KATNAL2: variants seen among roughly 807,000 people sequenced by gnomAD.
KATNAL2 encodes the protein katanin catalytic subunit A1 like 2, also known as katanin p60 ATPase-containing subunit A-like 2.
A neutral mutation model predicts 76.3 loss-of-function variants in KATNAL2; 52 were observed. The ratio of observed to expected loss-of-function variants is 0.68; its 90% confidence interval spans 0.55 to 0.86. The LOEUF is 0.86. Among genes scored for constraint, KATNAL2 ranks in the 40% least tolerant of loss-of-function variants. The probability of loss-of-function intolerance (pLI) is 0.00; values close to 1 mark genes in which losing one functional copy is unlikely to be tolerated. For synonymous variants in KATNAL2, 243 were observed against 244.2 expected (o/e 1.00, Z 0.05); for missense variants, 660 against 668.9 (o/e 0.99, Z 0.15).
chr18:47,064,166 T>C (rs2061718862), intron 10 of KATNAL2, among the ~76,000 whole-genome samples: 1 of 150,660 alleles, frequency 6.6e-6, no homozygotes, highest in Non-Finnish European at 1.5e-5. Flanking sequence ...GAGACACAAA[T>C]GTGAACGAGT....
intron 1 of KATNAL2, among the ~76,000 whole-genome samples, chr18:46,940,055 G>C (rs2059203170): frequency 6.6e-6 from 1 of 152,200 alleles, no homozygotes; most frequent in Non-Finnish European, 1.5e-5. Flanking sequence ...ACCACATTAT[G>C]AGAGATTATT....
At chr18:47,068,921 G>C (rs1190387374) in intron 11 of KATNAL2, among the ~76,000 whole-genome samples, 1 of 152,214 alleles carries the variant, frequency 6.6e-6, no homozygotes, top group Non-Finnish European at 1.5e-5. Flanking sequence ...TGTTATGCAT[G>C]TAAGAAATAA....
chr18:47,071,923 G>A (rs1430626619), intron 13 of KATNAL2, among the ~76,000 whole-genome samples: 2 of 128,992 alleles, frequency 1.6e-5, no homozygotes, highest in African/African-American at 2.9e-5. Context: ...AAAAAAAAGA[G>A]TGAGGAAACA....
Position 46,957,252 on chromosome 18 carries a change from T to C in KATNAL2, c.51+10329T>C, listed in dbSNP as rs2059781602. On this transcript the variant is annotated intron_variant, in intron 3 of 17. Transcript: ENST00000683218. ...GAGAAAAGCAGATTGCCCTCTTCTT[T>C]TTTTTTTTTTTTTTTTTTTTTGAGA... Among the ~76,000 whole-genome samples, 4 of 136,632 alleles carry C rather than the reference T, an allele frequency of 2.9e-5. No homozygotes were observed. The South Asian group carries it at 7.7e-4, about 26-fold the overall frequency. The allele number at this position is 136,632 out of a possible 152,430, so 89.6% of individuals were successfully genotyped here. A position where few individuals can be genotyped will look rare whatever the true frequency, so the allele number is the denominator to read the frequency against.
At chr18:46,938,141 A>T (rs2059145754) in intron 1 of KATNAL2, among the ~76,000 whole-genome samples, 1 of 152,140 alleles carries the variant, frequency 6.6e-6, no homozygotes, top group Non-Finnish European at 1.5e-5. Context: ...AAATGAATAA[A>T]CTAGAGCTAC....
At chr18:46,934,741 G>A (rs1472945775) in intron 1 of KATNAL2, among the ~76,000 whole-genome samples, 1 of 152,098 alleles carries the variant, frequency 6.6e-6, no homozygotes. Flanking sequence ...TGTCCTGAAT[G>A]GTATTGCCTA....
At chr18:47,087,405 G>C (rs914447589) in intron 15 of KATNAL2, among the ~76,000 whole-genome samples, 63 of 152,136 alleles carry the variant, frequency 4.1e-4, no homozygotes, top group African/African-American at 1.4e-3. Flanking sequence ...TGGGAACATG[G>C]ATGAAGCTGA....
chr18:46,940,766 A>G (rs2059223484), intron 1 of KATNAL2, among the ~76,000 whole-genome samples: 1 of 152,218 alleles, frequency 6.6e-6, no homozygotes, highest in South Asian at 2.1e-4. Context: ...ATGATTAGCC[A>G]TAATCCCAGC....
chr18:47,058,105 GC>G (rs1483173716), intron 6 of KATNAL2, 129 bp from the exon 7 acceptor site: 2 of 683,048 alleles, frequency 2.9e-6, no homozygotes, highest in Admixed American at 2.1e-5. Flanking sequence ...AGGTGGAAGG[GC>G]CCTATAGTTG....
chr18:47,075,293 C>A lies in KATNAL2; in HGVS notation c.1025C>A (p.Ala342Asp). The A allele has an allele frequency of 6.4e-7, 1 of 1,556,640 alleles. No individual in the cohort carries two copies. Among genetic ancestry groups the A allele is most frequent in the South Asian group, 1.2e-5 (1 of 80,972 alleles). The part of the protein sequence containing the change: ...EKLVRVLFEL[A>D]RYHAPSTIFL... ...CCCACCCAGGTGTTATTTGAGCTTG[C>A]CCGCTACCACGCCCCATCCACGATC... The change falls in exon 14 of 18, where the codon GCC becomes GAC. Residue 342 changes from alanine (A) to aspartate (D), a missense_variant. By Grantham distance (126) the Ala-to-Asp change is moderately radical. Transcript: ENST00000683218.
At chr18:47,061,964 TA>T (rs1427797986) in intron 8 of KATNAL2, among the ~76,000 whole-genome samples, 1 of 152,130 alleles carries the variant, frequency 6.6e-6, no homozygotes, top group Non-Finnish European at 1.5e-5. Flanking sequence ...TAAGTGGGTT[TA>T]AATCCTGGCC....
chr18:47,075,331 C>G lies in KATNAL2; in HGVS notation c.1063C>G (p.Leu355Val). 1.9e-6 allele frequency: 3 copies of G among 1,557,754 alleles called. No homozygotes were observed. Among genetic ancestry groups the G allele is most frequent in the Non-Finnish European group, 2.6e-6 (3 of 1,156,778 alleles). ...HAPSTIFLDELESVMSQRGTA... is the reference protein window; with the variant it reads ...HAPSTIFLDEVESVMSQRGTA... ...CCCATCCACGATCTTCCTGGACGAG[C>G]TGGAGTCGGTGATGAGTCAGAGAGG... The change falls in exon 14 of 18, where the codon CTG becomes GTG. Residue 355 changes from leucine (L) to valine (V), a missense_variant. By Grantham distance (32) the Leu-to-Val change is conservative. Coordinates refer to ENST00000683218, the MANE Select transcript of KATNAL2 (RefSeq NM_001387690.1).
chr18:46,957,500 C>T (rs993533506), intron 3 of KATNAL2, among the ~76,000 whole-genome samples: 7 of 150,864 alleles, frequency 4.6e-5, no homozygotes, highest in African/African-American at 9.7e-5. Context: ...GTGATCTGCC[C>T]GCCTTGGCCT....
chr18:47,035,133 C>G, intron 3 of KATNAL2: 1 of 1,611,834 alleles, frequency 6.2e-7, no homozygotes, highest in Non-Finnish European at 8.5e-7. Flanking sequence ...CAGTCTCCGC[C>G]AGGATGTCTG....
chr18:47,038,526 A>T (rs2060856203), intron 3 of KATNAL2, among the ~76,000 whole-genome samples: 1 of 152,200 alleles, frequency 6.6e-6, no homozygotes, highest in Non-Finnish European at 1.5e-5. Flanking sequence ...CCTCTAGAGT[A>T]TAAATTGCTG....
intron 1 of KATNAL2, among the ~76,000 whole-genome samples, chr18:46,941,696 C>T (rs2059251059): frequency 6.6e-6 from 1 of 152,078 alleles, no homozygotes; most frequent in Admixed American, 6.6e-5. Flanking sequence ...TGCTTTCTTC[C>T]ATTTTGGAGT....
chr18:47,079,908 T>A (rs1026749833), intron 15 of KATNAL2, among the ~76,000 whole-genome samples: 7 of 152,190 alleles, frequency 4.6e-5, no homozygotes, highest in Non-Finnish European at 8.8e-5. Flanking sequence ...GTCTTGTTGC[T>A]CCATTTTTGG....
intron 3 of KATNAL2, chr18:47,033,630 G>A (rs2060601557): frequency 2.5e-6 from 4 of 1,614,038 alleles, no homozygotes; most frequent in Admixed American, 1.7e-5. Context: ...CTCCCACGTC[G>A]CTGAGGGCGT....
intron 3 of KATNAL2, among the ~76,000 whole-genome samples, chr18:47,035,882 C>T (rs1368023459): frequency 6.6e-6 from 1 of 152,092 alleles, no homozygotes; most frequent in Admixed American, 6.5e-5. Context: ...AAAGAAGAAC[C>T]AATACAGGAT....
Sources: gnomAD v4.1 joint callset for allele counts (sites outside exome capture counted in the v4.1 genomes callset) on GRCh38, gnomAD v4.1.1 for gene constraint, MANE v1.5 for transcripts, NCBI Gene and HGNC (gene_info 2026-07-23, HGNC 2026-07-21) for gene names.